Variants in RBM6 observed in about 807,000 individuals in gnomAD.
RBM6 encodes RNA-binding protein 6.
Under a neutral mutation model 140.4 loss-of-function variants are expected in RBM6, and 23 were observed. The observed-to-expected ratio is 0.16, with a 90% CI of 0.12 to 0.23. The LOEUF (loss-of-function observed/expected upper bound fraction) is 0.23. RBM6 is among the 10% of genes least tolerant of loss of function. RBM6 has a pLI of 1.00. For synonymous variants in RBM6, 439 were observed against 475.6 expected (o/e 0.92, Z 1.00); for missense variants, 1,139 against 1,386.7 (o/e 0.82, Z 2.84).
chr3:50,046,589 A>T (rs1166988858), intron 6 of RBM6, among the ~76,000 whole-genome samples: 1 of 151,808 alleles, frequency 6.6e-6, no homozygotes, highest in African/African-American at 2.4e-5. Flanking sequence ...CAGGGAAAAA[A>T]AAAAAAAAAA....
chr3:49,959,227 C>G (rs181817147), intron 1 of RBM6, among the ~76,000 whole-genome samples: 1 of 129,166 alleles, frequency 7.7e-6, no homozygotes, highest in Non-Finnish European at 1.6e-5. Flanking sequence ...CTCGCTCTGT[C>G]GCCCAGGCTG....
At chr3:49,944,200 A>G (rs939598792) in intron 1 of RBM6, among the ~76,000 whole-genome samples, 1 of 152,110 alleles carries the variant, frequency 6.6e-6, no homozygotes, top group Non-Finnish European at 1.5e-5. Flanking sequence ...TTCTGTCTCT[A>G]TGAATTTGAC....
intron 3 of RBM6, among the ~76,000 whole-genome samples, chr3:49,971,160 G>A (rs527389831): frequency 6.9e-6 from 1 of 145,146 alleles, no homozygotes; most frequent in South Asian, 2.2e-4. Context: ...CAGCTACTCG[G>A]GAGGCTGAGG....
At chr3:50,039,362 C>T (rs1355147679) in intron 6 of RBM6, among the ~76,000 whole-genome samples, 1 of 152,130 alleles carries the variant, frequency 6.6e-6, no homozygotes, top group Non-Finnish European at 1.5e-5. Flanking sequence ...GCCTCAGCCT[C>T]CCGAGTAGCT....
At chr3:50,042,680 CA>C (rs1253177370) in intron 6 of RBM6, among the ~76,000 whole-genome samples, 1 of 152,014 alleles carries the variant, frequency 6.6e-6, no homozygotes, top group African/African-American at 2.4e-5. Flanking sequence ...AGGCTGCAGT[CA>C]GTCATGATTG....
chr3:49,974,836 G>A (rs772821672), intron 4 of RBM6, among the ~76,000 whole-genome samples: 11 of 151,424 alleles, frequency 7.3e-5, no homozygotes, highest in Non-Finnish European at 1.5e-4. Context: ...ACAGGTGTGT[G>A]CCACCACACC....
rs4608691 is a variant in RBM6 at position 49,974,148 on chromosome 3, C to T, written c.1414-1175C>T. 2.7e-3 allele frequency among the ~76,000 whole-genome samples: 406 copies of T among 152,142 alleles called. 1 individual carries two copies. Among genetic ancestry groups the T allele is most frequent in the African/African-American group, 9.2e-3 (383 of 41,522 alleles). On this transcript the variant is annotated intron_variant, in intron 4 of 20. Coordinates refer to ENST00000266022, the MANE Select transcript of RBM6 (RefSeq NM_005777.3). ...CCCTGACGTCATGATCCGCCTGTCT[C>T]GGCCTCCCAAAGTGCTAGGATTACA...
At chr3:49,972,421 A>G (rs1169927349) in intron 4 of RBM6, among the ~76,000 whole-genome samples, 1 of 152,208 alleles carries the variant, frequency 6.6e-6, no homozygotes, top group East Asian at 1.9e-4. Flanking sequence ...AAATTATGAC[A>G]AATGATTGCT....
chr3:49,944,226 A>G (rs1178073083), intron 1 of RBM6, among the ~76,000 whole-genome samples: 2 of 152,130 alleles, frequency 1.3e-5, no homozygotes, highest in African/African-American at 4.8e-5. Flanking sequence ...TAGGTATCTC[A>G]TGTAAGTGGA....
intron 6 of RBM6, among the ~76,000 whole-genome samples, chr3:49,999,908 A>G (rs1293913504): frequency 6.6e-6 from 1 of 152,174 alleles, no homozygotes; most frequent in African/African-American, 2.4e-5. Flanking sequence ...CAATAGTTAC[A>G]CCCAGACCTA....
rs766545463 is a variant in RBM6, at chr3:50,075,182, G to T, written c.3117-19G>T. ...AAAAAAAAAAAAAAAGGAAGTGATGGTGTCTGCTTCTTTTGCAGTGATCGT... is the reference window on the plus strand; with the variant it reads ...AAAAAAAAAAAAAAAGGAAGTGATGTTGTCTGCTTCTTTTGCAGTGATCGT... On this transcript the variant is annotated intron_variant, in intron 19 of 20. Coordinates refer to ENST00000266022, the MANE Select transcript of RBM6 (RefSeq NM_005777.3). 6.3e-7 allele frequency: 1 copy of T among 1,599,070 alleles called. No homozygotes were observed. Among genetic ancestry groups the T allele is most frequent in the South Asian group, 1.2e-5 (1 of 86,860 alleles).
chr3:49,961,168 C>T (rs1024346099), intron 1 of RBM6, among the ~76,000 whole-genome samples: 2 of 152,026 alleles, frequency 1.3e-5, no homozygotes, highest in African/African-American at 4.8e-5. Flanking sequence ...GCCTCCGCCT[C>T]CCGGTTTCAA....
intron 9 of RBM6, 148 bp from the exon 10 acceptor site, chr3:50,058,254 A>G: frequency 1.0e-6 from 1 of 985,876 alleles, no homozygotes; most frequent in Non-Finnish European, 1.5e-6. Flanking sequence ...GAAGAAAAGT[A>G]TGCAGTATTT....
At chr3:50,061,366 T>C (rs1013132037) in intron 13 of RBM6, 96 bp from the exon 14 acceptor site, 2 of 1,578,522 alleles carry the variant, frequency 1.3e-6, no homozygotes, top group African/African-American at 2.7e-5. Flanking sequence ...TGCACCTATT[T>C]GTGTTGGTCA....
At chr3:49,962,389 G>A (rs556467278) in intron 1 of RBM6, among the ~76,000 whole-genome samples, 187 bp from the exon 2 acceptor site, 1 of 151,646 alleles carries the variant, frequency 6.6e-6, no homozygotes, top group East Asian at 1.9e-4. Flanking sequence ...CTGAGATCAT[G>A]CCTTTGCACT....
At chr3:49,973,857 A>T (rs573654761) in intron 4 of RBM6, among the ~76,000 whole-genome samples, 1 of 150,534 alleles carries the variant, frequency 6.6e-6, no homozygotes, top group Admixed American at 6.7e-5. Context: ...AAGTGCTGAG[A>T]TTACACGCAT....
intron 16 of RBM6, 48 bp from the exon 17 acceptor site, chr3:50,066,194 C>A: frequency 6.5e-7 from 1 of 1,550,126 alleles, no homozygotes; most frequent in South Asian, 1.2e-5. Flanking sequence ...AAATGGACCC[C>A]AAAATATAGG....
intron 5 of RBM6, among the ~76,000 whole-genome samples, chr3:49,988,446 CTTT>C (rs1055139507): frequency 6.9e-6 from 1 of 144,736 alleles, no homozygotes; most frequent in East Asian, 2.0e-4. Context: ...GCCTGGCCTT[CTTT>C]TTTTTTTTTA....
chr3:50,065,493 T>G, intron 16 of RBM6: 1 of 451,044 alleles, frequency 2.2e-6, no homozygotes, highest in Non-Finnish European at 4.4e-6. Context: ...AAGAATCTCT[T>G]AGATATGGAG....
Sources: gnomAD v4.1 joint callset for allele counts (sites outside exome capture counted in the v4.1 genomes callset) on GRCh38, gnomAD v4.1.1 for gene constraint, MANE v1.5 for transcripts, NCBI Gene and HGNC (gene_info 2026-07-23, HGNC 2026-07-21) for gene names.